RAB2A: variants seen among roughly 807,000 people sequenced by gnomAD.
RAB2A encodes ras-related protein Rab-2A.
RAB2A carries 7 observed loss-of-function variants against 32.5 expected under a neutral mutation model. That is an observed-to-expected ratio of 0.22 (90% CI 0.12 to 0.40). The LOEUF (loss-of-function observed/expected upper bound fraction) is 0.40, where lower values mean the gene tolerates loss of function less well. Among genes scored for constraint, RAB2A ranks in the 10% least tolerant of loss-of-function variants. The pLI, the probability that RAB2A is intolerant of heterozygous loss-of-function variation, is 1.00. For missense variants in RAB2A, 108 were observed against 260.7 expected, an observed-to-expected ratio of 0.41 and a Z score of 4.03; for synonymous variants, 79 against 85.2, an observed-to-expected ratio of 0.93 and a Z score of 0.40.
intron 1 of RAB2A, among the ~76,000 whole-genome samples, chr8:60,549,496 T>C (rs1807810393): frequency 6.9e-6 from 1 of 145,560 alleles, no homozygotes; most frequent in Admixed American, 6.8e-5. Context: ...TTTTTTTTTT[T>C]GGTGTGGATT....
chr8:60,561,766 T>C (rs1381701809), intron 2 of RAB2A, among the ~76,000 whole-genome samples: 2 of 152,228 alleles, frequency 1.3e-5, no homozygotes, highest in Admixed American at 1.3e-4. Context: ...CCAGAATCAC[T>C]TTTGTACAAC....
chr8:60,535,504 G>A (rs1032431501), intron 1 of RAB2A, among the ~76,000 whole-genome samples: 1 of 152,016 alleles, frequency 6.6e-6, no homozygotes, highest in Non-Finnish European at 1.5e-5. Context: ...GTGTCTTTCT[G>A]TATCACCACA....
intron 6 of RAB2A, among the ~76,000 whole-genome samples, chr8:60,611,289 T>C (rs1804343145): frequency 6.6e-6 from 1 of 152,132 alleles, no homozygotes; most frequent in South Asian, 2.1e-4. Context: ...GGGCCACATC[T>C]CTAACTTTAT....
At chr8:60,532,425 C>T (rs1425247620) in intron 1 of RAB2A, among the ~76,000 whole-genome samples, 2 of 152,136 alleles carry the variant, frequency 1.3e-5, no homozygotes, top group African/African-American at 4.8e-5. Flanking sequence ...AATTGAGTCA[C>T]CAGTCCTCTA....
intron 6 of RAB2A, among the ~76,000 whole-genome samples, chr8:60,608,400 T>C (rs1049903882): frequency 6.6e-6 from 1 of 152,114 alleles, no homozygotes; most frequent in African/African-American, 2.4e-5. Flanking sequence ...ACTTCTTTCT[T>C]AGCTCCATGA....
intron 2 of RAB2A, among the ~76,000 whole-genome samples, chr8:60,561,494 CA>C (rs1417273517): frequency 3.3e-4 from 50 of 152,304 alleles, no homozygotes; most frequent in Non-Finnish European, 7.4e-5. Flanking sequence ...TCCTGTTTCT[CA>C]TTCTCCCATC....
At chr8:60,612,015 G>T (rs910998225) in intron 6 of RAB2A, among the ~76,000 whole-genome samples, 2 of 152,102 alleles carry the variant, frequency 1.3e-5, no homozygotes, top group Non-Finnish European at 2.9e-5. Context: ...GAACATACAG[G>T]TTTGTTCCAT....
At chr8:60,533,226 T>C (rs1157103482) in intron 1 of RAB2A, among the ~76,000 whole-genome samples, 1 of 152,174 alleles carries the variant, frequency 6.6e-6, no homozygotes, top group Non-Finnish European at 1.5e-5. Context: ...GCTAGATTAG[T>C]GAAAGTATAG....
intron 6 of RAB2A, among the ~76,000 whole-genome samples, chr8:60,594,594 T>C (rs1381515238): frequency 1.3e-5 from 2 of 152,168 alleles, no homozygotes; most frequent in African/African-American, 4.8e-5. Context: ...CAAGTAATCA[T>C]TTACATTGGG....
In RAB2A at chr8:60,623,274, C is replaced by T. The variant is rs1804558875; in HGVS notation, c.*2505C>T. On this transcript the variant is annotated 3_prime_UTR_variant, in exon 8 of 8. Transcript: ENST00000262646. ...GTTTTTAATGATATTTTAAAATAGC[C>T]TGTTAGCAGGAAAATAGTCCCTATT... The T allele has an allele frequency of 6.6e-6, 1 of 152,090 alleles. No homozygotes were observed. Among genetic ancestry groups the T allele is most frequent in the African/African-American group, 2.4e-5 (1 of 41,390 alleles). The allele number at this position is 152,090 out of a possible 1,614,324, so 9.4% of individuals were successfully genotyped here. A position where few individuals can be genotyped will look rare whatever the true frequency, so the allele number is the denominator to read the frequency against.
intron 6 of RAB2A, among the ~76,000 whole-genome samples, chr8:60,597,356 C>G (rs530724816): frequency 2.0e-5 from 3 of 152,108 alleles, no homozygotes; most frequent in African/African-American, 7.2e-5. Context: ...GAAAACCAAA[C>G]ACCGCATGTT....
intron 3 of RAB2A, among the ~76,000 whole-genome samples, chr8:60,575,379 T>C (rs1210637171): frequency 6.6e-6 from 1 of 152,138 alleles, no homozygotes; most frequent in Non-Finnish European, 1.5e-5. Context: ...CCAAAACTTT[T>C]TAATAAATGT....
chr8:60,564,600 C>T (rs1808075921), intron 2 of RAB2A, among the ~76,000 whole-genome samples: 1 of 152,126 alleles, frequency 6.6e-6, no homozygotes, highest in South Asian at 2.1e-4. Flanking sequence ...GTCTAATAGA[C>T]ATCTTAAACT....
At chr8:60,618,346 T>G (rs1421611691) in intron 6 of RAB2A, among the ~76,000 whole-genome samples, 1 of 152,184 alleles carries the variant, frequency 6.6e-6, no homozygotes, top group African/African-American at 2.4e-5. Context: ...AATGTTGGAT[T>G]TTGTCAAATG....
intron 6 of RAB2A, 132 bp downstream of exon 6, chr8:60,592,101 C>G (rs569221654): frequency 2.0e-6 from 1 of 505,740 alleles, no homozygotes; most frequent in East Asian, 3.1e-5. Flanking sequence ...AGTTTCTTCC[C>G]TTTGAAATCC....
chr8:60,519,966 A>G (rs1807277208), intron 1 of RAB2A, among the ~76,000 whole-genome samples: 1 of 152,292 alleles, frequency 6.6e-6, no homozygotes, highest in South Asian at 2.1e-4. Context: ...GCCCTCCCCT[A>G]GAAAAGATGA....
In RAB2A at chr8:60,616,319, G is replaced by A. The variant is rs558823849; in HGVS notation, c.475-2261G>A. On this transcript the variant is annotated intron_variant, in intron 6 of 7. Transcript: ENST00000262646. ...ATTGACACATTTAATAATAACTTTTGTAGTATAAAAGTGCTTGTTTGTATG... is the reference window on the plus strand; with the variant it reads ...ATTGACACATTTAATAATAACTTTTATAGTATAAAAGTGCTTGTTTGTATG... 7.2e-5 allele frequency among the ~76,000 whole-genome samples: 11 copies of A among 152,300 alleles called. No homozygotes were observed. The East Asian group carries it at 1.7e-3, about 24-fold the overall frequency.
intron 6 of RAB2A, among the ~76,000 whole-genome samples, chr8:60,617,639 A>G (rs1804468326): frequency 6.6e-6 from 1 of 152,160 alleles, no homozygotes; most frequent in South Asian, 2.1e-4. Context: ...CCAGCTACTC[A>G]GGAGGCTGAA....
At chr8:60,582,547 G>A (rs565655344) in intron 3 of RAB2A, among the ~76,000 whole-genome samples, 7 of 152,222 alleles carry the variant, frequency 4.6e-5, no homozygotes, top group Admixed American at 1.3e-4. Context: ...TTGGAGACAA[G>A]GTGTTGCTCT....
Sources: allele counts gnomAD v4.1 joint callset (sites outside exome capture counted in the v4.1 genomes callset), GRCh38; gene constraint gnomAD v4.1.1; transcripts MANE v1.5; gene names NCBI Gene and HGNC (gene_info 2026-07-23, HGNC 2026-07-21).